The following PALLD variants were observed in gnomAD, a reference collection of about 807,000 sequenced individuals.
PALLD encodes palladin, cytoskeletal associated protein.
Under a neutral mutation model 123.5 loss-of-function variants are expected in PALLD, and 61 were observed. The observed-to-expected ratio is 0.49, with a 90% CI of 0.40 to 0.61. The LOEUF is 0.61. PALLD is among the 20% of genes least tolerant of loss of function. The pLI is 0.00. For synonymous variants in PALLD, 465 were observed against 496.4 expected (o/e 0.94, Z 0.84); for missense variants, 1,273 against 1,377.0 (o/e 0.92, Z 1.20).
intron 10 of PALLD, among the ~76,000 whole-genome samples, chr4:168,733,835 T>C (rs565946088): frequency 2.8e-4 from 43 of 152,244 alleles, no homozygotes; most frequent in Admixed American, 1.3e-3. Context: ...CCCAGGTTCA[T>C]GCCATTCTCC....
chr4:168,632,362 A>T (rs142607830), intron 2 of PALLD, among the ~76,000 whole-genome samples: 1 of 152,228 alleles, frequency 6.6e-6, no homozygotes, highest in Non-Finnish European at 1.5e-5. Context: ...AATTTCTGAC[A>T]GCCTAAGAGC....
intron 2 of PALLD, among the ~76,000 whole-genome samples, chr4:168,532,527 C>CAATAGG (rs57776383): frequency 0.42 from 62,960 of 151,404 alleles, 14,114 homozygotes; most frequent in African/African-American, 0.6. Context: ...TCCCAATTAA[C>CAATAGG]AAAATACACC....
At chr4:168,833,870 A>C (rs1028015451) in intron 10 of PALLD, among the ~76,000 whole-genome samples, 1 of 150,422 alleles carries the variant, frequency 6.6e-6, no homozygotes, top group East Asian at 1.9e-4. Context: ...GATAGTTTGA[A>C]GCTAATGTAC....
At chr4:168,618,845 A>G (rs559632496) in intron 2 of PALLD, among the ~76,000 whole-genome samples, 2 of 152,286 alleles carry the variant, frequency 1.3e-5, no homozygotes, top group South Asian at 2.1e-4. Flanking sequence ...TCAGCTCCTC[A>G]CTGGCGTCAC....
chr4:168,643,851 A>C (rs1204027647), intron 2 of PALLD, among the ~76,000 whole-genome samples: 1 of 152,164 alleles, frequency 6.6e-6, no homozygotes, highest in Non-Finnish European at 1.5e-5. Context: ...AAGGTCTGTT[A>C]ATATCCCTAC....
At chr4:168,507,400 T>C (rs561950698) in intron 1 of PALLD, 1 of 183,396 alleles carries the variant, frequency 5.5e-6, no homozygotes, top group South Asian at 2.0e-4. Flanking sequence ...CTAATCGCTG[T>C]CTAGGCCAAG....
At chr4:168,677,091 C>G (rs1780930480) in intron 3 of PALLD, among the ~76,000 whole-genome samples, 2 of 152,022 alleles carry the variant, frequency 1.3e-5, no homozygotes, top group Non-Finnish European at 2.9e-5. Flanking sequence ...ACATGTAACT[C>G]TTTCAGACTG....
chr4:168,533,762 C>G (rs1764830772), intron 2 of PALLD, among the ~76,000 whole-genome samples: 1 of 152,014 alleles, frequency 6.6e-6, no homozygotes. Context: ...AGAGCCTGCA[C>G]CAGGGGAAAC....
intron 10 of PALLD, among the ~76,000 whole-genome samples, chr4:168,778,986 C>G (rs1269192445): frequency 6.6e-6 from 1 of 152,198 alleles, no homozygotes; most frequent in East Asian, 1.9e-4. Flanking sequence ...TAAACACTTG[C>G]TAAGAATACA....
chr4:168,633,002 G>T (rs908483862), intron 2 of PALLD, among the ~76,000 whole-genome samples: 6 of 152,188 alleles, frequency 3.9e-5, no homozygotes, highest in Non-Finnish European at 8.8e-5. Flanking sequence ...TCCTCCAAGG[G>T]ACCAGCATGA....
intron 10 of PALLD, among the ~76,000 whole-genome samples, chr4:168,752,484 C>T (rs1731189261): frequency 6.6e-6 from 1 of 152,198 alleles, no homozygotes; most frequent in African/African-American, 2.4e-5. Flanking sequence ...TGTTGCTTTT[C>T]CATAGAATAG....
intron 15 of PALLD, among the ~76,000 whole-genome samples, chr4:168,905,138 GTTTTTT>G (rs777740588): frequency 8.7e-5 from 3 of 34,524 alleles, no homozygotes; most frequent in Non-Finnish European, 2.1e-4. Flanking sequence ...TGTTTTGTTG[GTTTTTT>G]TTTTTTTTTT....
intron 2 of PALLD, among the ~76,000 whole-genome samples, chr4:168,615,370 A>G (rs1017822594): frequency 1.3e-5 from 2 of 152,204 alleles, no homozygotes; most frequent in Non-Finnish European, 2.9e-5. Context: ...CTTCATTACC[A>G]TCTATCCACA....
chr4:168,701,781 C>T (rs948651620), intron 8 of PALLD, among the ~76,000 whole-genome samples: 1 of 152,104 alleles, frequency 6.6e-6, no homozygotes, highest in African/African-American at 2.4e-5. Flanking sequence ...AGCACTAAGC[C>T]CTGGGAAGAT....
intron 10 of PALLD, among the ~76,000 whole-genome samples, chr4:168,772,865 G>C (rs1186028528): frequency 2.0e-5 from 3 of 152,144 alleles, no homozygotes; most frequent in Non-Finnish European, 2.9e-5. Flanking sequence ...GAAGGAGTGA[G>C]CGAGGAATGA....
chr4:168,786,902 C>T (rs1736841525), intron 10 of PALLD, among the ~76,000 whole-genome samples: 1 of 152,148 alleles, frequency 6.6e-6, no homozygotes, highest in Non-Finnish European at 1.5e-5. Flanking sequence ...TTGCAACCTT[C>T]ATAGGGTCCC....
chr4:168,743,739 A>G (rs923378072), intron 10 of PALLD, among the ~76,000 whole-genome samples: 10 of 152,222 alleles, frequency 6.6e-5, no homozygotes, highest in Admixed American at 6.5e-4. Context: ...TTGTTTGGTC[A>G]GGTCTGGCAT....
intron 10 of PALLD, among the ~76,000 whole-genome samples, chr4:168,729,222 A>G (rs946621690): frequency 7.9e-5 from 12 of 152,060 alleles, no homozygotes; most frequent in Non-Finnish European, 1.6e-4. Flanking sequence ...ATGGGCAACT[A>G]CTGTGCTTTT....
intron 2 of PALLD, among the ~76,000 whole-genome samples, chr4:168,604,828 T>C (rs1773011469): frequency 6.6e-6 from 1 of 152,106 alleles, no homozygotes; most frequent in African/African-American, 2.4e-5. Flanking sequence ...TCCTATTCAG[T>C]GTGTTAAATA....
Sources: gnomAD v4.1 joint callset for allele counts (sites outside exome capture counted in the v4.1 genomes callset) on GRCh38, gnomAD v4.1.1 for gene constraint, MANE v1.5 for transcripts, NCBI Gene and HGNC (gene_info 2026-07-23, HGNC 2026-07-21) for gene names.